PTPRM: variants seen among roughly 807,000 people sequenced by gnomAD.
The protein encoded by PTPRM is receptor-type tyrosine-protein phosphatase mu.
In PTPRM, 47 loss-of-function variants were observed where a neutral mutation model predicts 186.7. The ratio of observed to expected loss-of-function variants is 0.25; its 90% CI spans 0.20 to 0.32. The LOEUF is 0.32. Among genes scored for constraint, PTPRM ranks in the 10% least tolerant of loss-of-function variants. The pLI is 1.00. For synonymous variants in PTPRM, 668 were observed against 674.9 expected (o/e 0.99, Z 0.16); for missense variants, 1,494 against 1,865.0 (o/e 0.80, Z 3.66).
At chr18:7,864,022 C>A (rs888370932) in intron 2 of PTPRM, among the ~76,000 whole-genome samples, 4 of 152,124 alleles carry the variant, frequency 2.6e-5, no homozygotes, top group Non-Finnish European at 4.4e-5. Context: ...CTGTTCAAAT[C>A]CTTTGCCCAC....
rs536396596 is a variant in PTPRM, at chr18:8,095,527, A to G, written c.1856+6676A>G. Among the ~76,000 whole-genome samples the G allele has an allele frequency of 1.8e-4, 28 of 152,284 alleles. No individual in the cohort carries two copies. In the East Asian group the frequency reaches 4.6e-3, roughly 25 times the overall value. On this transcript the variant is annotated intron_variant, in intron 11 of 32. Transcript: ENST00000580170. Reference sequence around the variant, plus strand: ...ATTGGACAACCTTGTACTCCATACCAATAAGTAGCCATTCAAGGGATTCAG... The same window carrying G: ...ATTGGACAACCTTGTACTCCATACCGATAAGTAGCCATTCAAGGGATTCAG...
intron 2 of PTPRM, among the ~76,000 whole-genome samples, chr18:7,837,556 G>A (rs1214284009): frequency 6.6e-6 from 1 of 152,116 alleles, no homozygotes; most frequent in African/African-American, 2.4e-5. Flanking sequence ...CGAGGTTCAA[G>A]TGATTCTCTT....
intron 2 of PTPRM, among the ~76,000 whole-genome samples, chr18:7,881,251 A>AT (rs2048491704): frequency 6.6e-6 from 1 of 152,172 alleles, no homozygotes; most frequent in Non-Finnish European, 1.5e-5. Flanking sequence ...CCTGGCCAAC[A>AT]TGGTGAAACC....
chr18:8,400,156 T>C (rs897284134), intron 32 of PTPRM, among the ~76,000 whole-genome samples: 3 of 152,168 alleles, frequency 2.0e-5, no homozygotes, highest in Admixed American at 6.5e-5. Flanking sequence ...CCGTCCACCA[T>C]CACGTGCCTT....
chr18:7,916,563 G>A (rs1021362418), intron 4 of PTPRM, among the ~76,000 whole-genome samples: 6 of 152,040 alleles, frequency 3.9e-5, no homozygotes, highest in African/African-American at 1.2e-4. Context: ...CATCTTTTTT[G>A]TTGTGTCCTC....
chr18:8,134,188 G>A (rs980510860), intron 13 of PTPRM, among the ~76,000 whole-genome samples: 1 of 152,140 alleles, frequency 6.6e-6, no homozygotes, highest in African/African-American at 2.4e-5. Context: ...GCCTTTCTCT[G>A]TACAAACTTG....
At chr18:7,595,798 A>G (rs2037242400) in intron 1 of PTPRM, among the ~76,000 whole-genome samples, 1 of 152,140 alleles carries the variant, frequency 6.6e-6, no homozygotes, top group Non-Finnish European at 1.5e-5. Context: ...GAATATTTGA[A>G]TTTGTGCACA....
intron 14 of PTPRM, among the ~76,000 whole-genome samples, chr18:8,161,453 AC>A: frequency 6.6e-6 from 1 of 152,032 alleles, no homozygotes; most frequent in Non-Finnish European, 1.5e-5. Context: ...GTGAGAAGGC[AC>A]CCACTGTCCA....
At chr18:8,334,461 T>C (rs2095427960) in intron 22 of PTPRM, among the ~76,000 whole-genome samples, 3 of 152,112 alleles carry the variant, frequency 2.0e-5, no homozygotes, top group African/African-American at 4.8e-5. Flanking sequence ...CCCTGCCCTA[T>C]AGGCTCTGAC....
At chr18:7,589,920 A>AGATGCTTAACACGTGCTGC (rs2037079467) in intron 1 of PTPRM, among the ~76,000 whole-genome samples, 1 of 152,340 alleles carries the variant, frequency 6.6e-6, no homozygotes, top group South Asian at 2.1e-4. Flanking sequence ...AGAGCTGTAG[A>AGATGCTTAACACGTGCTGC]GATGCTTAAC....
rs577969355 is a variant in PTPRM at position 7,722,503 on chromosome 18, A to G, written c.74-51646A>G. Among the ~76,000 whole-genome samples, 3 of 152,308 alleles carry G rather than the reference A, an allele frequency of 2.0e-5. No homozygotes were observed. In the South Asian group the frequency reaches 6.2e-4, roughly 32 times the overall value. ...AAAAGAAAAGAAAAATCAAGAAAAA[A>G]AGTGAAGCCAGATAAATACTAAAAT... is the stretch of plus-strand genomic sequence containing the variant. On this transcript the variant is annotated intron_variant, in intron 1 of 32. Coordinates refer to ENST00000580170, the MANE Select transcript of PTPRM (RefSeq NM_001105244.2).
At chr18:7,743,775 AT>A (rs1568069124) in intron 1 of PTPRM, among the ~76,000 whole-genome samples, 3 of 152,204 alleles carry the variant, frequency 2.0e-5, no homozygotes, top group Middle Eastern at 3.2e-3. Flanking sequence ...AGAGAAACCT[AT>A]GCTTGTTCCT....
chr18:8,352,371 TC>T (rs1164756198), intron 23 of PTPRM, among the ~76,000 whole-genome samples: 1 of 152,168 alleles, frequency 6.6e-6, no homozygotes, highest in African/African-American at 2.4e-5. Flanking sequence ...GGTTAGGGCT[TC>T]TAATGATCCC....
At chr18:8,359,103 C>CAA (rs202022076) in intron 23 of PTPRM, among the ~76,000 whole-genome samples, 7 of 151,524 alleles carry the variant, frequency 4.6e-5, no homozygotes, top group African/African-American at 9.7e-5. Flanking sequence ...TTTAAAAAGA[C>CAA]AAAAAAAGCA....
At chr18:7,658,809 C>G (rs2038914218) in intron 1 of PTPRM, among the ~76,000 whole-genome samples, 1 of 152,176 alleles carries the variant, frequency 6.6e-6, no homozygotes, top group South Asian at 2.1e-4. Context: ...GAAACCATTT[C>G]TTTTGGCCGC....
intron 1 of PTPRM, among the ~76,000 whole-genome samples, chr18:7,729,792 A>C (rs577789859): frequency 4.6e-5 from 7 of 152,334 alleles, no homozygotes; most frequent in Admixed American, 2.0e-4. Context: ...ATTAAAAAAA[A>C]CTAATCATAT....
At chr18:7,851,395 A>G (rs770083092) in intron 2 of PTPRM, among the ~76,000 whole-genome samples, 8 of 152,116 alleles carry the variant, frequency 5.3e-5, no homozygotes, top group Non-Finnish European at 1.2e-4. Flanking sequence ...AAACTTATAT[A>G]TGCTGTCATC....
chr18:8,306,770 A>C (rs1484578815), intron 20 of PTPRM, among the ~76,000 whole-genome samples: 1 of 152,234 alleles, frequency 6.6e-6, no homozygotes, highest in Non-Finnish European at 1.5e-5. Flanking sequence ...AACAGGGCTT[A>C]TCATTGGACA....
At chr18:7,676,201 A>C in intron 1 of PTPRM, among the ~76,000 whole-genome samples, 1 of 152,168 alleles carries the variant, frequency 6.6e-6, no homozygotes, top group Non-Finnish European at 1.5e-5. Flanking sequence ...TACTCTTTTA[A>C]GTGTTTCCAC....
Sources: gnomAD v4.1 joint callset for allele counts (sites outside exome capture counted in the v4.1 genomes callset) on GRCh38, gnomAD v4.1.1 for gene constraint, MANE v1.5 for transcripts, NCBI Gene and HGNC (gene_info 2026-07-23, HGNC 2026-07-21) for gene names.